Variants in GRID1 observed in about 807,000 individuals in gnomAD.
GRID1 encodes glutamate receptor ionotropic, delta-1.
In GRID1, 28 loss-of-function variants were observed where a neutral mutation model predicts 98.0. That is an observed-to-expected ratio of 0.29 (90% CI 0.21 to 0.39). The LOEUF is 0.39. GRID1 is among the 10% of genes least tolerant of loss of function. The pLI, the probability that GRID1 is intolerant of heterozygous loss-of-function variation, is 1.00. For synonymous variants in GRID1, 553 were observed against 538.5 expected, an observed-to-expected ratio of 1.03 and a Z score of -0.37; for missense variants, 1,111 against 1,340.5, an observed-to-expected ratio of 0.83 and a Z score of 2.67.
intron 2 of GRID1, among the ~76,000 whole-genome samples, chr10:86,239,132 C>T (rs1846586625): frequency 6.6e-6 from 1 of 152,230 alleles, no homozygotes. Context: ...CGCCCAAGGC[C>T]CTGCGAGCCC....
chr10:86,071,233 G>C lies in GRID1; in HGVS notation c.726+67586C>G, dbSNP rs191584109. 4.4e-3 allele frequency among the ~76,000 whole-genome samples: 675 copies of C among 152,334 alleles called. 9 individuals carry two copies. The highest frequency in any genetic ancestry group is 0.015 in the African/African-American group (642 of 41,576). ...AGCCTGTGCTGAGAGAGCTCACTGG[G>C]ACAGCAGGGAAATGGGCTCACTGTC... is the stretch of plus-strand genomic sequence containing the variant. On this transcript the variant is annotated intron_variant, in intron 4 of 15. Transcript: ENST00000327946.
chr10:85,630,105 A>G (rs899845032), intron 13 of GRID1, among the ~76,000 whole-genome samples: 4 of 152,248 alleles, frequency 2.6e-5, no homozygotes, highest in Non-Finnish European at 5.9e-5. Context: ...AACAACAGCA[A>G]CAATAGCAGA....
chr10:85,673,110 G>A (rs1453121833), intron 12 of GRID1, among the ~76,000 whole-genome samples: 1 of 152,200 alleles, frequency 6.6e-6, no homozygotes, highest in Non-Finnish European at 1.5e-5. Context: ...TTCAGTGGAG[G>A]AAGTAACTGC....
chr10:85,721,900 T>A (rs976667852), intron 12 of GRID1, among the ~76,000 whole-genome samples: 3 of 152,132 alleles, frequency 2.0e-5, no homozygotes, highest in African/African-American at 7.2e-5. Context: ...ATAAAATCAG[T>A]CAACTGTATC....
intron 3 of GRID1, among the ~76,000 whole-genome samples, chr10:86,147,197 A>G (rs541320905): frequency 6.6e-6 from 1 of 152,156 alleles, no homozygotes; most frequent in South Asian, 2.1e-4. Flanking sequence ...CCAGCTCCCC[A>G]GACAACAGTC....
chr10:86,293,815 C>T (rs2814312), intron 2 of GRID1, among the ~76,000 whole-genome samples: 111,225 of 152,132 alleles, frequency 0.73, 43,879 homozygotes, highest in Non-Finnish European at 0.87. Context: ...ACGTCGTCAG[C>T]GCTGTCTCTG....
chr10:86,080,061 C>T lies in GRID1; in HGVS notation c.726+58758G>A, dbSNP rs184917283. The stretch of plus-strand genomic sequence containing the variant: ...TAAGAAACGGAGTAAGGGCCTGGCA[C>T]GGTGGCTCACGCCTGTAATCCCAGC... On this transcript the variant is annotated intron_variant, in intron 4 of 15. Coordinates refer to ENST00000327946, the MANE Select transcript of GRID1 (RefSeq NM_017551.3). 1.4e-3 allele frequency among the ~76,000 whole-genome samples: 220 copies of T among 152,176 alleles called. 1 individual carries two copies. The highest frequency in any genetic ancestry group is 5.1e-3 in the African/African-American group (211 of 41,524).
chr10:85,898,718 C>A (rs1049817921), intron 5 of GRID1, among the ~76,000 whole-genome samples: 1 of 152,180 alleles, frequency 6.6e-6, no homozygotes, highest in African/African-American at 2.4e-5. Flanking sequence ...GGGGCAATAG[C>A]ATGCATGGAG....
At chr10:86,266,560 G>C (rs542600876) in intron 2 of GRID1, among the ~76,000 whole-genome samples, 1 of 152,294 alleles carries the variant, frequency 6.6e-6, no homozygotes, top group African/African-American at 2.4e-5. Flanking sequence ...CCCAGGGGAG[G>C]GCCCTCCTGC....
intron 2 of GRID1, among the ~76,000 whole-genome samples, chr10:86,334,715 G>T (rs1192315934): frequency 1.3e-5 from 2 of 152,198 alleles, no homozygotes; most frequent in African/African-American, 4.8e-5. Flanking sequence ...CACACACAAT[G>T]CTGGGCATAA....
In GRID1 at chr10:85,820,067, CAGGAAGGCAGGT is replaced by C. The variant is rs555056828; in HGVS notation, c.1233+34417_1233+34428del. 4.4e-5 allele frequency among the ~76,000 whole-genome samples: 4 copies of C among 91,428 alleles called. 1 individual carries two copies. Among genetic ancestry groups the C allele is most frequent in the Admixed American group, 1.2e-4 (1 of 8,598 alleles). The allele number at this position is 91,428 out of a possible 152,430, so 60.0% of individuals were successfully genotyped here. Reference sequence around the variant, plus strand: ...GCAGGCAGGCAGGCAGGCAGGCAGGCAGGAAGGCAGGTAGGCAGGCAGGCAGGCAGGAAGGAA... The same window carrying C: ...GCAGGCAGGCAGGCAGGCAGGCAGGCAGGCAGGCAGGCAGGCAGGAAGGAA... On this transcript the variant is annotated intron_variant, in intron 8 of 15. Transcript: ENST00000327946.
chr10:86,357,909 AGGGCCGTCCCTT>A (rs1848554184), intron 2 of GRID1, among the ~76,000 whole-genome samples: 1 of 152,152 alleles, frequency 6.6e-6, no homozygotes, highest in Non-Finnish European at 1.5e-5. Flanking sequence ...GACTTCAACG[AGGGCCGTCCCTT>A]GGGGTGTAGG....
intron 4 of GRID1, among the ~76,000 whole-genome samples, chr10:85,975,610 G>A (rs1009337517): frequency 1.3e-5 from 2 of 152,168 alleles, no homozygotes; most frequent in African/African-American, 4.8e-5. Flanking sequence ...TGCGGAAAAT[G>A]AGCAGTGTCC....
At chr10:86,357,320 G>A (rs1188886080) in intron 2 of GRID1, among the ~76,000 whole-genome samples, 3 of 152,210 alleles carry the variant, frequency 2.0e-5, no homozygotes, top group Non-Finnish European at 4.4e-5. Flanking sequence ...TATCCCAGAG[G>A]AAGGGGCTGT....
Position 85,633,689 on chromosome 10 carries a change from ATTCC to A in GRID1, c.2193+13509_2193+13512del, listed in dbSNP as rs760724751. 1.9e-4 allele frequency among the ~76,000 whole-genome samples: 29 copies of A among 152,226 alleles called. 1 individual carries two copies. The highest frequency in any genetic ancestry group is 7.3e-5 in the Non-Finnish European group (5 of 68,040). On this transcript the variant is annotated intron_variant, in intron 13 of 15. Transcript: ENST00000327946. ...CCTCTAACTCCATTTGTGGCTAAGT[ATTCC>A]TTTATAGCCTTTGCTAAAATGTCAG...
In GRID1 at chr10:85,631,161, C is replaced by T. The variant is rs374192267; in HGVS notation, c.2194-11128G>A. Among the ~76,000 whole-genome samples the T allele has an allele frequency of 2.6e-4, 39 of 152,322 alleles. 1 individual carries two copies. The East Asian group carries it at 7.5e-3, about 29-fold the overall frequency. On this transcript the variant is annotated intron_variant, in intron 13 of 15. Coordinates refer to ENST00000327946, the MANE Select transcript of GRID1 (RefSeq NM_017551.3). Reference sequence around the variant, plus strand: ...TAGTCCAAATTGTGTACATTTTCCACCCAGGGAAATTGAGGCTCAAAAAGA... The same window carrying T: ...TAGTCCAAATTGTGTACATTTTCCATCCAGGGAAATTGAGGCTCAAAAAGA...
intron 4 of GRID1, among the ~76,000 whole-genome samples, chr10:86,084,192 C>T (rs570159035): frequency 4.3e-4 from 65 of 152,126 alleles, no homozygotes; most frequent in South Asian, 2.9e-3. Flanking sequence ...CTGAAGGAGG[C>T]GCCCTAGGTG....
chr10:85,760,882 C>T (rs1842141099), intron 8 of GRID1, among the ~76,000 whole-genome samples: 1 of 152,166 alleles, frequency 6.6e-6, no homozygotes. Context: ...TTACCCAAAG[C>T]ACCAAGATTC....
chr10:86,177,758 G>A (rs1358497275), intron 3 of GRID1, among the ~76,000 whole-genome samples: 1 of 152,116 alleles, frequency 6.6e-6, no homozygotes, highest in South Asian at 2.1e-4. Context: ...GTGTGCGTGC[G>A]TGTGTGTGCC....
Sources: allele counts gnomAD v4.1 joint callset (sites outside exome capture counted in the v4.1 genomes callset), GRCh38; gene constraint gnomAD v4.1.1; transcripts MANE v1.5; gene names NCBI Gene and HGNC (gene_info 2026-07-23, HGNC 2026-07-21).